Variants in MACROD1 observed in about 807,000 individuals in gnomAD.
MACROD1 encodes the protein mono-ADP ribosylhydrolase 1.
Under a neutral mutation model 41.4 loss-of-function variants are expected in MACROD1, and 31 were observed. That is an observed-to-expected ratio of 0.75 (90% CI 0.56 to 1.01). The LOEUF is 1.01. MACROD1 is among the 50% of genes least tolerant of loss of function. The pLI is 0.00. For synonymous variants in MACROD1, 252 were observed against 203.4 expected (o/e 1.24, Z -2.03); for missense variants, 473 against 460.0 (o/e 1.03, Z -0.26).
At chr11:64,099,107 C>A (rs1944627619) in intron 3 of MACROD1, among the ~76,000 whole-genome samples, 1 of 152,226 alleles carries the variant, frequency 6.6e-6, no homozygotes, top group African/African-American at 2.4e-5. Context: ...AGGGGAAACA[C>A]AGCCAGACCT....
At chr11:64,148,734 C>G (rs1010502397) in intron 3 of MACROD1, 15 of 985,734 alleles carry the variant, frequency 1.5e-5, no homozygotes, top group Non-Finnish European at 1.8e-5. Context: ...TATGCAGCCC[C>G]GAAAAGCCCT....
At chr11:64,113,912 A>ATGGG (rs1944914752) in intron 3 of MACROD1, among the ~76,000 whole-genome samples, 1 of 143,276 alleles carries the variant, frequency 7.0e-6, no homozygotes, top group Non-Finnish European at 1.5e-5. Flanking sequence ...GGATGGATGG[A>ATGGG]CAGGTGGATG....
chr11:64,084,007 G>A (rs1054822193), intron 3 of MACROD1, among the ~76,000 whole-genome samples: 8 of 29,842 alleles, frequency 2.7e-4, no homozygotes, highest in Non-Finnish European at 1.2e-3. Flanking sequence ...GCTGGGTTCC[G>A]GCCTTTCACT....
At chr11:64,130,714 G>A (rs557353676) in intron 3 of MACROD1, among the ~76,000 whole-genome samples, 4 of 152,096 alleles carry the variant, frequency 2.6e-5, no homozygotes, top group East Asian at 1.9e-4. Context: ...CCTCCCCGCC[G>A]CCGCACCCAC....
chr11:64,055,884 G>A (rs1200333340), intron 3 of MACROD1, among the ~76,000 whole-genome samples: 3 of 152,200 alleles, frequency 2.0e-5, no homozygotes, highest in Admixed American at 2.0e-4. Flanking sequence ...GTCCTTCCAG[G>A]GCTTTTGGCA....
At chr11:64,095,941 G>A (rs2134540281) in intron 3 of MACROD1, among the ~76,000 whole-genome samples, 1 of 150,830 alleles carries the variant, frequency 6.6e-6, no homozygotes, top group South Asian at 2.1e-4. Flanking sequence ...ACAGCTCCTC[G>A]CTTTCTCCCT....
At chr11:64,148,000 C>T (rs943416936) in intron 3 of MACROD1, among the ~76,000 whole-genome samples, 5 of 152,000 alleles carry the variant, frequency 3.3e-5, no homozygotes, top group Admixed American at 6.6e-5. Context: ...CGGCCTCCCA[C>T]GGTGCTGGGA....
intron 1 of MACROD1, among the ~76,000 whole-genome samples, chr11:64,153,641 T>C (rs1945619556): frequency 6.6e-6 from 1 of 152,032 alleles, no homozygotes; most frequent in Non-Finnish European, 1.5e-5. Context: ...ATGACAGAAC[T>C]CATGCAAGGG....
intron 3 of MACROD1, among the ~76,000 whole-genome samples, chr11:64,085,336 C>T (rs35222632): frequency 0.01 from 1,548 of 152,302 alleles, 9 homozygotes; most frequent in Non-Finnish European, 0.013. Context: ...CCTCAGCGCC[C>T]GCTGCTCCCA....
intron 3 of MACROD1, among the ~76,000 whole-genome samples, chr11:64,027,594 A>C (rs1223865189): frequency 6.6e-6 from 1 of 151,950 alleles, no homozygotes; most frequent in East Asian, 1.9e-4. Context: ...GGGGGCTTCC[A>C]CCACCCTCTG....
At chr11:64,127,982 G>A (rs750855938) in intron 3 of MACROD1, among the ~76,000 whole-genome samples, 1 of 152,240 alleles carries the variant, frequency 6.6e-6, no homozygotes, top group Non-Finnish European at 1.5e-5. Flanking sequence ...ACTTCTGCCT[G>A]AGATCTGATT....
intron 3 of MACROD1, among the ~76,000 whole-genome samples, chr11:64,018,138 G>T (rs368591994): frequency 2.0e-5 from 3 of 152,154 alleles, no homozygotes; most frequent in African/African-American, 7.2e-5. Context: ...TTTGCCACAG[G>T]CAGGAGAGTG....
At chr11:64,159,571 G>A (rs1945722422) in intron 1 of MACROD1, among the ~76,000 whole-genome samples, 1 of 151,746 alleles carries the variant, frequency 6.6e-6, no homozygotes, top group African/African-American at 2.4e-5. Flanking sequence ...AAGGCGGGCG[G>A]ATCACCTGAG....
intron 4 of MACROD1, among the ~76,000 whole-genome samples, chr11:64,012,089 A>G (rs1035127950): frequency 6.6e-6 from 1 of 152,172 alleles, no homozygotes; most frequent in Non-Finnish European, 1.5e-5. Flanking sequence ...CCATGTTAAA[A>G]GGTTGGACTC....
At chr11:64,108,948 G>A (rs983094458) in intron 3 of MACROD1, among the ~76,000 whole-genome samples, 2 of 152,184 alleles carry the variant, frequency 1.3e-5, no homozygotes, top group African/African-American at 4.8e-5. Flanking sequence ...GCAGGCAGGT[G>A]GGCAGGAAGG....
intron 3 of MACROD1, among the ~76,000 whole-genome samples, chr11:64,143,743 G>GACACACACACAC (rs1355483787): frequency 2.5e-4 from 18 of 71,496 alleles, no homozygotes; most frequent in African/African-American, 1.4e-3. Context: ...CCCCAACCCC[G>GACACACACACAC]ACACACACAT....
At position 64,025,860 on chromosome 11, in the gene MACROD1, C is replaced by T. The variant is rs1031028744; in HGVS notation, c.518-10579G>A. Reference sequence around the variant, plus strand: ...TCAGCCTCCCAAGTAGCTAGGACTACAGGCACACATCACCACATCCGGCTA... The same window carrying T: ...TCAGCCTCCCAAGTAGCTAGGACTATAGGCACACATCACCACATCCGGCTA... On this transcript the variant is annotated intron_variant, in intron 3 of 10. Coordinates refer to ENST00000255681, the MANE Select transcript of MACROD1 (RefSeq NM_014067.4). Among the ~76,000 whole-genome samples the T allele has an allele frequency of 3.3e-5, 5 of 152,088 alleles. No individual in the cohort carries two copies. In the South Asian group the frequency reaches 1.0e-3, roughly 32 times the overall value.
intron 1 of MACROD1, among the ~76,000 whole-genome samples, 163 bp downstream of exon 1, chr11:64,165,534 G>T (rs1400995688): frequency 6.6e-6 from 1 of 152,148 alleles, no homozygotes; most frequent in Non-Finnish European, 1.5e-5. Context: ...GGGGGCGGGG[G>T]GGGCTGTCAA....
intron 3 of MACROD1, among the ~76,000 whole-genome samples, chr11:64,020,490 C>G (rs957154899): frequency 6.6e-6 from 1 of 152,092 alleles, no homozygotes; most frequent in African/African-American, 2.4e-5. Context: ...TTGCAGACCC[C>G]CAGGCCCCAT....
Sources: gnomAD v4.1 joint callset for allele counts (sites outside exome capture counted in the v4.1 genomes callset) on GRCh38, gnomAD v4.1.1 for gene constraint, MANE v1.5 for transcripts, NCBI Gene and HGNC (gene_info 2026-07-23, HGNC 2026-07-21) for gene names.